The following LAT2 variants were observed in gnomAD, a reference collection of about 807,000 sequenced individuals.
LAT2 encodes linker for activation of T cells family member 2.
LAT2 carries 23 observed loss-of-function variants against 43.4 expected under a neutral mutation model. The ratio of observed to expected loss-of-function variants is 0.53; its 90% CI spans 0.38 to 0.75. The LOEUF is 0.75. LAT2 is among the 30% of genes least tolerant of loss of function. The pLI is 0.00. For synonymous variants in LAT2, 128 were observed against 123.2 expected, an observed-to-expected ratio of 1.04 and a Z score of -0.26; for missense variants, 284 against 310.2, an observed-to-expected ratio of 0.92 and a Z score of 0.64.
chr7:74,216,875 T>C lies in LAT2; in HGVS notation c.134+11T>C, dbSNP rs1427471978. 1.2e-6 allele frequency: 2 copies of C among 1,612,390 alleles called. No homozygotes were observed. The highest frequency in any genetic ancestry group is 1.7e-6 in the Non-Finnish European group (2 of 1,178,638). ...CCAGCAGAGAAGTCTGTGAGTTGCC[T>C]CGATGTCCCTAGCCTGGTGTATTCA... On this transcript the variant is annotated intron_variant, in intron 4 of 13. Transcript: ENST00000460943.
At chr7:74,219,920 C>T in intron 5 of LAT2, 40 bp from the exon 6 acceptor site, 1 of 1,612,448 alleles carries the variant, frequency 6.2e-7, no homozygotes. Flanking sequence ...GCTGGGCTAG[C>T]TGGGGGCCCA....
rs1554715795 is a variant in LAT2 at position 74,224,625 on chromosome 7, C to A, written c.629-14C>A. On this transcript the variant is annotated splice_polypyrimidine_tract_variant and intron_variant, in intron 12 of 13. Transcript: ENST00000460943. ...GTGAACCACTCGATGACCTGTCTGC[C>A]CGCTGGTCCACAGGGCAACTCCAGA... The A allele has an allele frequency of 1.3e-6, 2 of 1,578,816 alleles. No individual in the cohort carries two copies. The highest frequency in any genetic ancestry group is 1.3e-5 in the African/African-American group (1 of 74,438).
chr7:74,213,568 GC>G (rs1272391191), intron 1 of LAT2, among the ~76,000 whole-genome samples: 4 of 151,910 alleles, frequency 2.6e-5, no homozygotes, highest in African/African-American at 9.7e-5. Context: ...GGGATCACAG[GC>G]GTGTGCCACC....
chr7:74,219,049 A>T (rs1802154896), intron 4 of LAT2, among the ~76,000 whole-genome samples: 12 of 42,678 alleles, frequency 2.8e-4, no homozygotes, highest in South Asian at 1.6e-3. Context: ...TTTTTTTTTG[A>T]GACGGAGTCT....
In LAT2 at chr7:74,220,241, C is replaced by T. The variant is rs1554714945; in HGVS notation, c.252C>T (p.Tyr84=). 1.9e-6 allele frequency: 3 copies of T among 1,611,596 alleles called. No homozygotes were observed. Among genetic ancestry groups the T allele is most frequent in the Admixed American group, 3.4e-5 (2 of 59,684 alleles). Residue 84 remains tyrosine (Y), a synonymous_variant, in exon 7 of 14, where the codon TAC becomes TAT. Transcript: ENST00000460943. This position sits in a 1 kb window ranked among gnomAD's most constrained non-coding sequence, Gnocchi z 4.5. The stretch of plus-strand genomic sequence containing the variant: ...GGAAGGACAAGCTGTTGCAATTCTA[C>T]CCCAGCCTGGAGGGTGAGTGGCACA... The part of the protein sequence containing the change: ...PTRKDKLLQF[Y]PSLEDPASSR...
At chr7:74,218,971 T>C (rs1224326738) in intron 4 of LAT2, among the ~76,000 whole-genome samples, 3 of 149,814 alleles carry the variant, frequency 2.0e-5, no homozygotes, top group African/African-American at 7.4e-5. Context: ...GCCCTGGGAT[T>C]ACAGGTGTGA....
At chr7:74,214,255 T>TATATATGAAAATATATATATGA (rs1563967025) in intron 1 of LAT2, among the ~76,000 whole-genome samples, 2 of 46,376 alleles carry the variant, frequency 4.3e-5, no homozygotes, top group Non-Finnish European at 7.5e-5. Flanking sequence ...TATATATAAA[T>TATATATGAAAATATATATATGA]ATATATATAT....
intron 10 of LAT2, 59 bp downstream of exon 10, chr7:74,221,751 C>A: frequency 1.4e-6 from 2 of 1,454,104 alleles, no homozygotes; most frequent in Admixed American, 1.7e-5. Flanking sequence ...AGGGCAGAAG[C>A]CATACCTCCA....
At chr7:74,211,182 C>T (rs1003062443) in intron 1 of LAT2, among the ~76,000 whole-genome samples, 4 of 152,232 alleles carry the variant, frequency 2.6e-5, no homozygotes, top group South Asian at 2.1e-4. Flanking sequence ...GTCCACCCTC[C>T]GCTCCCTCCA....
At chr7:74,226,026 G>C (rs1445673028) in intron 13 of LAT2, 1 of 152,350 alleles carries the variant, frequency 6.6e-6, no homozygotes, top group Non-Finnish European at 1.5e-5. Context: ...GCTGGACACA[G>C]CGGTCATGCC....
chr7:74,221,253 T>C (rs1287763150), intron 9 of LAT2, among the ~76,000 whole-genome samples: 1 of 151,276 alleles, frequency 6.6e-6, no homozygotes, highest in Non-Finnish European at 1.5e-5. Flanking sequence ...TCATCTCTAC[T>C]AAAAATAAAA....
intron 12 of LAT2, 151 bp from the exon 13 acceptor site, chr7:74,224,488 A>C: frequency 4.2e-6 from 3 of 709,952 alleles, no homozygotes; most frequent in Non-Finnish European, 4.9e-6. Flanking sequence ...GGCAAATCCC[A>C]GAGACAGGAC....
At chr7:74,210,575 C>T (rs1347592519) in intron 1 of LAT2, among the ~76,000 whole-genome samples, 1 of 152,016 alleles carries the variant, frequency 6.6e-6, no homozygotes, top group African/African-American at 2.4e-5. Flanking sequence ...ACCAGGGCTG[C>T]TCAGGCCCCT....
At chr7:74,223,572 C>G in intron 10 of LAT2, 152 bp from the exon 11 acceptor site, 1 of 693,394 alleles carries the variant, frequency 1.4e-6, no homozygotes, top group Non-Finnish European at 2.6e-6. Flanking sequence ...GGAAGCTCAT[C>G]CAGAAGAAGG....
At position 74,214,335 on chromosome 7, in the gene LAT2, T is replaced by TATATATATGAAAATATATATATAA. The variant is rs1563967242; in HGVS notation, c.-218-479_-218-478insGAAAATATATATATAAATATATAT. 1.1e-3 allele frequency among the ~76,000 whole-genome samples: 45 copies of TATATATATGAAAATATATATATAA among 40,172 alleles called. 7 individuals carry two copies. The highest frequency in any genetic ancestry group is 2.6e-3 in the African/African-American group (26 of 9,830). The allele number at this position is 40,172 out of a possible 152,430, so 26.4% of individuals were successfully genotyped here. On this transcript the variant is annotated intron_variant, in intron 1 of 13. Coordinates refer to ENST00000460943, the MANE Select transcript of LAT2 (RefSeq NM_032464.3). ...ATATATATGAAAATATATATATAAA[T>TATATATATGAAAATATATATATAA]ATATATATATGAAAATATATATATA...
At chr7:74,226,703 T>C (rs1802501676) in intron 13 of LAT2, among the ~76,000 whole-genome samples, 2 of 152,160 alleles carry the variant, frequency 1.3e-5, no homozygotes, top group South Asian at 4.2e-4. Context: ...GCATGTTCAC[T>C]GGTGGTAAGT....
chr7:74,220,556 A>G lies in LAT2; in HGVS notation c.266-28A>G. The G allele has an allele frequency of 1.9e-6, 3 of 1,613,796 alleles. No individual in the cohort carries two copies. The highest frequency in any genetic ancestry group is 2.5e-6 in the Non-Finnish European group (3 of 1,179,892). On this transcript the variant is annotated intron_variant, in intron 7 of 13. Transcript: ENST00000460943. This position sits in a 1 kb window ranked among gnomAD's most constrained non-coding sequence, Gnocchi z 4.5. ...GGGTGCAAAGCAGGGGCCAGGGGAG[A>G]AAGCAATTAGCTGGGTCTTTCTTCC...
In LAT2 at chr7:74,219,828, G is replaced by T; in HGVS notation, c.178+41G>T. The T allele has an allele frequency of 1.9e-6, 3 of 1,613,460 alleles. No homozygotes were observed. In the South Asian group the frequency reaches 3.3e-5, roughly 18 times the overall value. On this transcript the variant is annotated intron_variant, in intron 5 of 13. Transcript: ENST00000460943. ...TCCCCGGGTTGGGCTCTGGGTTGGG[G>T]GTGTCCCTATCAAGTTATCTCGGTC... is the stretch of plus-strand genomic sequence containing the variant.
At chr7:74,225,718 CCA>C (rs1199056403) in intron 13 of LAT2, 2 of 152,314 alleles carry the variant, frequency 1.3e-5, no homozygotes, top group Non-Finnish European at 2.9e-5. Context: ...CGATGGACCC[CCA>C]GAGGGCCTTG....
Sources: allele counts gnomAD v4.1 joint callset (sites outside exome capture counted in the v4.1 genomes callset), GRCh38; gene constraint gnomAD v4.1.1; non-coding constraint Gnocchi (gnomAD v3.1); transcripts MANE v1.5; gene names NCBI Gene and HGNC (gene_info 2026-07-23, HGNC 2026-07-21).